Variants in GALNT17 observed in about 807,000 individuals in gnomAD.
GALNT17 encodes the protein polypeptide N-acetylgalactosaminyltransferase 17.
GALNT17 carries 29 observed loss-of-function variants against 63.7 expected under a neutral mutation model. That is an observed-to-expected ratio of 0.46 (90% CI 0.34 to 0.62). The LOEUF is 0.62. Ranked by LOEUF, GALNT17 falls within the 20% of genes least tolerant of loss-of-function variation. The pLI is 0.01. For synonymous variants in GALNT17, 305 were observed against 318.3 expected (o/e 0.96, Z 0.45); for missense variants, 603 against 799.6 (o/e 0.75, Z 2.97).
chr7:71,462,903 A>T (rs1315173988), intron 5 of GALNT17, among the ~76,000 whole-genome samples: 3 of 152,288 alleles, frequency 2.0e-5, no homozygotes, highest in Non-Finnish European at 4.4e-5. Flanking sequence ...TTTTCCTTTC[A>T]CATGGCTGTA....
At chr7:71,265,249 C>G (rs1177179528) in intron 1 of GALNT17, among the ~76,000 whole-genome samples, 1 of 149,086 alleles carries the variant, frequency 6.7e-6, no homozygotes, top group Non-Finnish European at 1.5e-5. Context: ...GCCTCAGCCT[C>G]CCAAGTAACT....
chr7:71,168,798 T>A (rs931764451), intron 1 of GALNT17, among the ~76,000 whole-genome samples: 1 of 152,090 alleles, frequency 6.6e-6, no homozygotes, highest in East Asian at 1.9e-4. Flanking sequence ...ATAACTTTTT[T>A]AAAAAGTTGT....
intron 6 of GALNT17, among the ~76,000 whole-genome samples, chr7:71,597,569 C>A (rs1215063286): frequency 6.6e-6 from 1 of 151,798 alleles, no homozygotes; most frequent in African/African-American, 2.4e-5. Context: ...CTGAATTTCA[C>A]ATGCAAGAAA....
chr7:71,240,748 T>C (rs1789979407), intron 1 of GALNT17, among the ~76,000 whole-genome samples: 1 of 151,560 alleles, frequency 6.6e-6, no homozygotes, highest in African/African-American at 2.4e-5. Context: ...CACTGCAGGC[T>C]CCGCCCCCCG....
At chr7:71,425,492 G>A (rs1221668252) in intron 5 of GALNT17, among the ~76,000 whole-genome samples, 1 of 152,174 alleles carries the variant, frequency 6.6e-6, no homozygotes, top group East Asian at 1.9e-4. Context: ...AAAGTGCTAG[G>A]ATTACAGGCG....
At chr7:71,166,387 G>T (rs1023210306) in intron 1 of GALNT17, among the ~76,000 whole-genome samples, 2 of 152,120 alleles carry the variant, frequency 1.3e-5, no homozygotes, top group African/African-American at 4.8e-5. Flanking sequence ...CGTTTAAAGG[G>T]TACAATTTGA....
At chr7:71,444,714 C>G (rs1229338554) in intron 5 of GALNT17, among the ~76,000 whole-genome samples, 1 of 152,102 alleles carries the variant, frequency 6.6e-6, no homozygotes, top group Non-Finnish European at 1.5e-5. Context: ...GTAATCCCAG[C>G]TACTCAGGAG....
intron 1 of GALNT17, among the ~76,000 whole-genome samples, chr7:71,265,118 ATTTTTTTTT>A (rs60738546): frequency 3.5e-4 from 13 of 37,448 alleles, no homozygotes; most frequent in East Asian, 2.2e-3. Context: ...ATATATATAT[ATTTTTTTTT>A]TTTTTTTTTT....
At chr7:71,488,574 CTTT>C (rs965444360) in intron 5 of GALNT17, among the ~76,000 whole-genome samples, 1 of 100,654 alleles carries the variant, frequency 9.9e-6, no homozygotes. Flanking sequence ...ACTTGCCCTT[CTTT>C]TTTTTTTTTT....
At chr7:71,535,539 C>T (rs1788789742) in intron 5 of GALNT17, among the ~76,000 whole-genome samples, 1 of 152,158 alleles carries the variant, frequency 6.6e-6, no homozygotes, top group African/African-American at 2.4e-5. Context: ...TATGTATTCT[C>T]ACCTGCAAAG....
chr7:71,181,030 G>T (rs982366657), intron 1 of GALNT17, among the ~76,000 whole-genome samples: 4 of 152,094 alleles, frequency 2.6e-5, no homozygotes, highest in Non-Finnish European at 4.4e-5. Context: ...CGAGGCAGGC[G>T]GATCACTTGA....
At chr7:71,685,255 G>A (rs867821881) in intron 9 of GALNT17, among the ~76,000 whole-genome samples, 1 of 152,156 alleles carries the variant, frequency 6.6e-6, no homozygotes, top group Admixed American at 6.5e-5. Context: ...GTTGGCAGAA[G>A]CAGGTGGTTC....
chr7:71,375,258 C>T (rs1007689506), intron 2 of GALNT17, among the ~76,000 whole-genome samples: 4 of 152,172 alleles, frequency 2.6e-5, no homozygotes, highest in Admixed American at 6.5e-5. Context: ...CACAAGCTTG[C>T]AGGGCCAATT....
At chr7:71,471,822 A>C (rs1160064879) in intron 5 of GALNT17, among the ~76,000 whole-genome samples, 1 of 151,996 alleles carries the variant, frequency 6.6e-6, no homozygotes, top group Non-Finnish European at 1.5e-5. Context: ...GCTGAATCCT[A>C]ATATTTGCAT....
At chr7:71,156,090 G>C (rs1416405554) in intron 1 of GALNT17, among the ~76,000 whole-genome samples, 2 of 151,772 alleles carry the variant, frequency 1.3e-5, no homozygotes, top group Non-Finnish European at 2.9e-5. Flanking sequence ...CAGCTACTGG[G>C]GAGGCTGAGG....
intron 3 of GALNT17, among the ~76,000 whole-genome samples, chr7:71,411,913 T>C (rs1351605414): frequency 1.3e-5 from 2 of 152,172 alleles, no homozygotes; most frequent in Non-Finnish European, 1.5e-5. Flanking sequence ...TGAATGCACA[T>C]ATCCTTCTTC....
intron 2 of GALNT17, among the ~76,000 whole-genome samples, chr7:71,380,772 C>T (rs1048425267): frequency 2.0e-5 from 3 of 152,098 alleles, no homozygotes; most frequent in African/African-American, 7.2e-5. Flanking sequence ...CCTTGAACTC[C>T]TGGACTCAGC....
intron 6 of GALNT17, among the ~76,000 whole-genome samples, chr7:71,614,902 AG>A (rs1562710967): frequency 1.9e-3 from 168 of 90,516 alleles, no homozygotes; most frequent in African/African-American, 7.0e-3. Flanking sequence ...GGAGGGAGGG[AG>A]GGAGGAAGGG....
At chr7:71,287,520 C>T (rs1208892329) in intron 1 of GALNT17, among the ~76,000 whole-genome samples, 1 of 152,150 alleles carries the variant, frequency 6.6e-6, no homozygotes, top group East Asian at 1.9e-4. Flanking sequence ...TCTCTCGCTT[C>T]TGTTATCCAT....
Sources: allele counts gnomAD v4.1 joint callset (sites outside exome capture counted in the v4.1 genomes callset), GRCh38; gene constraint gnomAD v4.1.1; transcripts MANE v1.5; gene names NCBI Gene and HGNC (gene_info 2026-07-23, HGNC 2026-07-21).